CCDC171: variants seen among roughly 807,000 people sequenced by gnomAD.
The protein encoded by CCDC171 is coiled-coil domain-containing protein 171.
A neutral mutation model predicts 168.2 loss-of-function variants in CCDC171; 177 were observed. That is an observed-to-expected ratio of 1.05 (90% CI 0.93 to 1.19). CCDC171 has a LOEUF of 1.19. Ranked by LOEUF, CCDC171 falls within the 50% of genes most tolerant of loss-of-function variation. The pLI, the probability that CCDC171 is intolerant of heterozygous loss-of-function variation, is 0.00. For missense variants in CCDC171, 1,991 were observed against 1,539.0 expected, an observed-to-expected ratio of 1.29 and a Z score of -4.91; for synonymous variants, 687 against 540.8, an observed-to-expected ratio of 1.27 and a Z score of -3.75.
intron 9 of CCDC171, among the ~76,000 whole-genome samples, chr9:15,667,895 T>C (rs948017731): frequency 6.6e-6 from 1 of 152,218 alleles, no homozygotes; most frequent in Non-Finnish European, 1.5e-5. Flanking sequence ...TCTGTGAATG[T>C]TATTCTAAGG....
At chr9:15,600,745 A>C (rs1314302151) in intron 6 of CCDC171, among the ~76,000 whole-genome samples, 1 of 152,200 alleles carries the variant, frequency 6.6e-6, no homozygotes, top group African/African-American at 2.4e-5. Context: ...TGGAGTCTAC[A>C]GAGGCAGGCA....
At chr9:16,005,330 C>A (rs551499433) in intron 3 of CCDC171, among the ~76,000 whole-genome samples, 1 of 152,296 alleles carries the variant, frequency 6.6e-6, no homozygotes, top group South Asian at 2.1e-4. Flanking sequence ...ATCACTATTT[C>A]TTTCCTTTTT....
At chr9:15,828,114 G>A (rs749312135) in intron 21 of CCDC171, among the ~76,000 whole-genome samples, 7 of 152,112 alleles carry the variant, frequency 4.6e-5, no homozygotes, top group Non-Finnish European at 1.0e-4. Context: ...TAGGGCAGGG[G>A]AATCAGTTTG....
chr9:15,980,439 C>G (rs1396094754), intron 3 of CCDC171, among the ~76,000 whole-genome samples: 1 of 152,144 alleles, frequency 6.6e-6, no homozygotes, highest in African/African-American at 2.4e-5. Context: ...CAGATCTCCT[C>G]CCTCTCAGCA....
intron 21 of CCDC171, among the ~76,000 whole-genome samples, chr9:15,825,187 G>A (rs1300764484): frequency 6.6e-6 from 1 of 152,070 alleles, no homozygotes; most frequent in Non-Finnish European, 1.5e-5. Flanking sequence ...TTTGCCTTGT[G>A]TTTGTGGAAT....
downstream of CCDC171, chr9:16,061,419 C>T (rs1205639092): frequency 2.0e-5 from 3 of 152,144 alleles, no homozygotes; most frequent in Admixed American, 6.5e-5. Context: ...TATTAGATCC[C>T]ATTCAGTTCT....
rs995968070 is a variant in CCDC171 at position 15,922,543 on chromosome 9, A to G, written c.3753+2121A>G. Among the ~76,000 whole-genome samples the G allele has an allele frequency of 6.6e-5, 10 of 151,576 alleles. No homozygotes were observed. In the South Asian group the frequency reaches 8.3e-4, roughly 13 times the overall value. ...CAATTTAAAAAATAGAGGAGTGCGCATATCTCTTTGACCTACTGATTTCAT... is the reference window on the plus strand; with the variant it reads ...CAATTTAAAAAATAGAGGAGTGCGCGTATCTCTTTGACCTACTGATTTCAT... On this transcript the variant is annotated intron_variant, in intron 25 of 25. Coordinates refer to ENST00000380701, the MANE Select transcript of CCDC171 (RefSeq NM_173550.4).
In CCDC171 at chr9:15,553,099, G is replaced by C. The variant is rs1022351273; in HGVS notation, c.-315G>C. 1 of 152,542 alleles carries C rather than the reference G, an allele frequency of 6.6e-6. No individual in the cohort carries two copies. The highest frequency in any genetic ancestry group is 2.4e-5 in the African/African-American group (1 of 41,468). The allele number at this position is 152,542 out of a possible 1,614,324, so 9.4% of individuals were successfully genotyped here. On this transcript the variant is annotated 5_prime_UTR_variant, in exon 1 of 26. Coordinates refer to ENST00000380701, the MANE Select transcript of CCDC171 (RefSeq NM_173550.4). ...AGTGTTTTCAGCTCCGGAAGTGGCA[G>C]TTGTAAACTTCACCTCCCGGGGGCT...
At chr9:15,602,171 A>G (rs891032380) in intron 6 of CCDC171, among the ~76,000 whole-genome samples, 23 of 152,304 alleles carry the variant, frequency 1.5e-4, no homozygotes, top group Admixed American at 5.9e-4. Context: ...AATTAACAAA[A>G]GAAAATAGCT....
intron 25 of CCDC171, among the ~76,000 whole-genome samples, chr9:15,958,461 G>A (rs1031839200): frequency 6.6e-6 from 1 of 150,708 alleles, no homozygotes; most frequent in Non-Finnish European, 1.5e-5. Flanking sequence ...ATAAGACTGT[G>A]ATACTGTGCT....
At chr9:15,712,737 C>A (rs2052766471) in intron 11 of CCDC171, among the ~76,000 whole-genome samples, 1 of 152,190 alleles carries the variant, frequency 6.6e-6, no homozygotes, top group African/African-American at 2.4e-5. Flanking sequence ...GGTGTCATAT[C>A]ATGGTCTCAG....
chr9:15,777,422 T>G (rs754192127), intron 18 of CCDC171, among the ~76,000 whole-genome samples, 178 bp from the exon 19 acceptor site: 1 of 152,180 alleles, frequency 6.6e-6, no homozygotes, highest in African/African-American at 2.4e-5. Flanking sequence ...GGTGAGCTAT[T>G]CTCTGAATTC....
the CCDC171 span, among the ~76,000 whole-genome samples, chr9:16,091,957 G>T: frequency 3.3e-5 from 5 of 152,158 alleles, no homozygotes; most frequent in African/African-American, 1.2e-4. Context: ...TTAAATACAG[G>T]CTCTGGGCTC....
At chr9:15,750,490 A>G (rs1050062192) in intron 18 of CCDC171, among the ~76,000 whole-genome samples, 1 of 152,200 alleles carries the variant, frequency 6.6e-6, no homozygotes, top group African/African-American at 2.4e-5. Flanking sequence ...TCCTGATACC[A>G]AAGCCTGGCA....
At chr9:16,080,600 T>G in the CCDC171 span, among the ~76,000 whole-genome samples, 1 of 152,220 alleles carries the variant, frequency 6.6e-6, no homozygotes, top group African/African-American at 2.4e-5. Flanking sequence ...AAAATTCCAA[T>G]CTACTCATCT....
At chr9:15,871,063 G>A (rs954972819) in intron 23 of CCDC171, among the ~76,000 whole-genome samples, 1 of 151,246 alleles carries the variant, frequency 6.6e-6, no homozygotes, top group Non-Finnish European at 1.5e-5. Context: ...CTTTCTGAAA[G>A]CATGTAATAA....
intron 3 of CCDC171, among the ~76,000 whole-genome samples, chr9:15,998,633 G>A (rs776098524): frequency 2.0e-5 from 3 of 152,146 alleles, no homozygotes; most frequent in Non-Finnish European, 4.4e-5. Flanking sequence ...CTGATAGGTT[G>A]GACCTTCAGA....
intron 7 of CCDC171, among the ~76,000 whole-genome samples, chr9:15,645,497 G>T (rs1291054938): frequency 6.6e-6 from 1 of 152,098 alleles, no homozygotes; most frequent in Non-Finnish European, 1.5e-5. Flanking sequence ...TAAAAATGTT[G>T]AAAAAAGGTT....
intron 3 of CCDC171, among the ~76,000 whole-genome samples, chr9:16,012,837 A>C (rs1832905383): frequency 6.6e-6 from 1 of 152,142 alleles, no homozygotes; most frequent in Non-Finnish European, 1.5e-5. Flanking sequence ...ATTGCTGTGC[A>C]TGGGTGGAGA....
Sources: gnomAD v4.1 joint callset for allele counts (sites outside exome capture counted in the v4.1 genomes callset) on GRCh38, gnomAD v4.1.1 for gene constraint, MANE v1.5 for transcripts, NCBI Gene and HGNC (gene_info 2026-07-23, HGNC 2026-07-21) for gene names.